The following THSD7B variants were observed in gnomAD, a reference collection of about 807,000 sequenced individuals.
The protein encoded by THSD7B is thrombospondin type 1 domain containing 7B.
In THSD7B, 138 loss-of-function variants were observed where a neutral mutation model predicts 213.6. That is an observed-to-expected ratio of 0.65 (90% CI 0.56 to 0.74). The LOEUF is 0.74. Ranked by LOEUF, THSD7B falls within the 30% of genes least tolerant of loss-of-function variation. THSD7B has a pLI of 0.00. For missense variants in THSD7B, 1,931 were observed against 1,991.5 expected, an observed-to-expected ratio of 0.97 and a Z score of 0.58; for synonymous variants, 742 against 687.0, an observed-to-expected ratio of 1.08 and a Z score of -1.25.
At chr2:136,771,719 A>C (rs1026027734) in intron 1 of THSD7B, among the ~76,000 whole-genome samples, 4 of 152,114 alleles carry the variant, frequency 2.6e-5, no homozygotes, top group Non-Finnish European at 4.4e-5. Flanking sequence ...TGTTTGATTG[A>C]ATCTATTTTC....
In THSD7B at chr2:137,321,897, AG is replaced by A. The variant is rs1189601526; in HGVS notation, c.2500+45872del. 1.4e-3 allele frequency among the ~76,000 whole-genome samples: 220 copies of A among 152,334 alleles called. 1 individual carries two copies. The highest frequency in any genetic ancestry group is 2.2e-3 in the Non-Finnish European group (152 of 68,026). ...AACTTCTGTGCCTTGTGAGCAGGAA[AG>A]CAGCATCAGCTATATAGTGAGATGC... On this transcript the variant is annotated intron_variant, in intron 12 of 27. Coordinates refer to ENST00000409968, the MANE Select transcript of THSD7B (RefSeq NM_001316349.2).
At chr2:137,623,133 A>G (rs1432177857) in intron 20 of THSD7B, among the ~76,000 whole-genome samples, 2 of 152,212 alleles carry the variant, frequency 1.3e-5, no homozygotes, top group African/African-American at 2.4e-5. Context: ...ACCTACCACG[A>G]TCAAGTGGAC....
intron 1 of THSD7B, among the ~76,000 whole-genome samples, chr2:136,808,108 G>A (rs777970027): frequency 1.6e-4 from 25 of 152,164 alleles, no homozygotes; most frequent in Non-Finnish European, 3.2e-4. Flanking sequence ...CACTCCAATA[G>A]TGAGAAGCCT....
chr2:137,441,852 T>C (rs1687418579), intron 14 of THSD7B, among the ~76,000 whole-genome samples: 1 of 152,124 alleles, frequency 6.6e-6, no homozygotes, highest in East Asian at 1.9e-4. Flanking sequence ...ATAATTTTTC[T>C]GCTAAAGTAT....
intron 14 of THSD7B, among the ~76,000 whole-genome samples, chr2:137,441,490 A>T (rs954210571): frequency 2.6e-5 from 4 of 152,114 alleles, no homozygotes; most frequent in African/African-American, 4.8e-5. Context: ...ATTTATCAAA[A>T]TTCTGCTACA....
At chr2:137,405,086 TA>T (rs1168673688) in intron 12 of THSD7B, among the ~76,000 whole-genome samples, 1 of 151,744 alleles carries the variant, frequency 6.6e-6, no homozygotes, top group African/African-American at 2.4e-5. Context: ...ATAAAAATTT[TA>T]ACTGGTCCCT....
intron 14 of THSD7B, among the ~76,000 whole-genome samples, chr2:137,448,740 A>G (rs1023709247): frequency 2.0e-5 from 3 of 152,048 alleles, no homozygotes; most frequent in Non-Finnish European, 2.9e-5. Flanking sequence ...CAGAGCTTGC[A>G]GTGAGCCGAG....
chr2:137,387,474 A>T (rs1313811140), intron 12 of THSD7B, among the ~76,000 whole-genome samples: 7 of 152,192 alleles, frequency 4.6e-5, no homozygotes, highest in Non-Finnish European at 2.9e-5. Context: ...TAAAGACAAC[A>T]ATATTCCAAG....
intron 1 of THSD7B, among the ~76,000 whole-genome samples, chr2:136,773,892 A>T (rs917157549): frequency 5.0e-5 from 7 of 140,868 alleles, no homozygotes; most frequent in East Asian, 4.0e-4. Flanking sequence ...TAATCTATTT[A>T]AAAAAAAAAA....
At chr2:137,081,807 A>G (rs1313442298) in intron 3 of THSD7B, among the ~76,000 whole-genome samples, 2 of 152,114 alleles carry the variant, frequency 1.3e-5, no homozygotes, top group South Asian at 2.1e-4. Context: ...TTTCATGAAT[A>G]AGGTTTCTAT....
intron 21 of THSD7B, 37 bp from the exon 22 acceptor site, chr2:137,655,464 A>C (rs1683216678): frequency 6.3e-7 from 1 of 1,579,458 alleles, no homozygotes; most frequent in African/African-American, 1.3e-5. Context: ...GATGTGAATT[A>C]TTTGGGTAAT....
intron 14 of THSD7B, among the ~76,000 whole-genome samples, chr2:137,416,635 T>A (rs1231568886): frequency 6.6e-6 from 1 of 152,158 alleles, no homozygotes; most frequent in Non-Finnish European, 1.5e-5. Flanking sequence ...GAAAGGATAG[T>A]TTAGATAAGA....
intron 2 of THSD7B, among the ~76,000 whole-genome samples, chr2:137,004,815 C>G (rs1686071852): frequency 6.6e-6 from 1 of 152,090 alleles, no homozygotes; most frequent in Non-Finnish European, 1.5e-5. Flanking sequence ...GTTTGTAGTG[C>G]TTTGAAATAT....
At chr2:137,441,552 T>C (rs902886937) in intron 14 of THSD7B, among the ~76,000 whole-genome samples, 1 of 152,080 alleles carries the variant, frequency 6.6e-6, no homozygotes, top group African/African-American at 2.4e-5. Context: ...AGAGTTGTGC[T>C]TTAGGGATAT....
At chr2:137,309,307 T>C (rs371985512) in intron 12 of THSD7B, among the ~76,000 whole-genome samples, 1 of 151,922 alleles carries the variant, frequency 6.6e-6, no homozygotes. Context: ...ACTATTTTTA[T>C]ACTGGCTGTT....
intron 12 of THSD7B, among the ~76,000 whole-genome samples, chr2:137,329,931 G>T (rs1244963722): frequency 6.6e-6 from 1 of 152,176 alleles, no homozygotes; most frequent in African/African-American, 2.4e-5. Flanking sequence ...ATGGTTTCCT[G>T]GTCTGGGCCC....
chr2:137,403,004 C>T (rs1673714819), intron 12 of THSD7B, among the ~76,000 whole-genome samples: 1 of 152,124 alleles, frequency 6.6e-6, no homozygotes, highest in South Asian at 2.1e-4. Flanking sequence ...TTGCTTGTAC[C>T]CTACTTGAGA....
intron 9 of THSD7B, among the ~76,000 whole-genome samples, chr2:137,237,935 A>G (rs1422741397): frequency 6.6e-6 from 1 of 152,188 alleles, no homozygotes; most frequent in East Asian, 1.9e-4. Context: ...GAAAGCCCAC[A>G]GTTCATTTCT....
At chr2:137,451,142 GA>G (rs1687643472) in intron 15 of THSD7B, 119 bp downstream of exon 15, 2 of 1,123,514 alleles carry the variant, frequency 1.8e-6, no homozygotes, top group African/African-American at 3.2e-5. Flanking sequence ...CACAATGTCA[GA>G]AGAAGGATTA....
Sources: allele counts gnomAD v4.1 joint callset (sites outside exome capture counted in the v4.1 genomes callset), GRCh38; gene constraint gnomAD v4.1.1; transcripts MANE v1.5; gene names NCBI Gene and HGNC (gene_info 2026-07-23, HGNC 2026-07-21).